The following ANK2 variants were observed in gnomAD, a reference collection of about 807,000 sequenced individuals.
The protein encoded by ANK2 is ankyrin-2.
Under a neutral mutation model 360.5 loss-of-function variants are expected in ANK2, and 83 were observed. That is an observed-to-expected ratio of 0.23 (90% CI 0.19 to 0.28). ANK2 has a LOEUF of 0.28. ANK2 is among the 10% of genes least tolerant of loss of function. ANK2 has a pLI of 1.00. For synonymous variants in ANK2, 1,740 were observed against 1,759.5 expected (o/e 0.99, Z 0.28); for missense variants, 4,201 against 4,795.7 (o/e 0.88, Z 3.66).
the ANK2 span, among the ~76,000 whole-genome samples, chr4:112,807,858 G>A: frequency 6.6e-6 from 1 of 152,162 alleles, no homozygotes; most frequent in African/African-American, 2.4e-5. Context: ...AAAAAGACAT[G>A]TTTATTAAAT....
At chr4:113,208,820 G>A (rs1562900130) in intron 4 of ANK2, among the ~76,000 whole-genome samples, 1 of 151,884 alleles carries the variant, frequency 6.6e-6, no homozygotes, top group East Asian at 1.9e-4. Flanking sequence ...TTTGGTTTTG[G>A]TGAGGAGAGT....
Position 113,198,880 on chromosome 4 carries a change from G to A in ANK2, c.286-131G>A, listed in dbSNP as rs1009386025. The A allele has an allele frequency of 1.5e-5, 11 of 750,168 alleles. No homozygotes were observed. The African/African-American group carries it at 1.8e-4, about 12-fold the overall frequency. The allele number at this position is 750,168 out of a possible 1,614,324, so 46.5% of individuals were successfully genotyped here. A position where few individuals can be genotyped will look rare whatever the true frequency, so the allele number is the denominator to read the frequency against. ...GTAAAAAATAATCTCTTCGTAAGTG[G>A]GCTACTATCTTGATAAATAACAAAT... On this transcript the variant is annotated intron_variant, in intron 3 of 45. Coordinates refer to ENST00000357077, the MANE Select transcript of ANK2 (RefSeq NM_001148.6).
chr4:112,959,650 C>T (rs2033640042), intron 2 of ANK2, among the ~76,000 whole-genome samples: 1 of 152,048 alleles, frequency 6.6e-6, no homozygotes, highest in African/African-American at 2.4e-5. Context: ...AGAATTCCTA[C>T]CTTAAATGTA....
intron 2 of ANK2, among the ~76,000 whole-genome samples, chr4:113,038,007 C>G (rs924414280): frequency 6.6e-6 from 1 of 152,042 alleles, no homozygotes; most frequent in Non-Finnish European, 1.5e-5. Context: ...TATGCTTGCA[C>G]TACATGTGTC....
rs1336483007 is a variant in ANK2 at position 113,254,450 on chromosome 4, A to G, written c.991-1285A>G. ...CCTTCAAATAGGTAAAACAGCATCA[A>G]TGAATGTTAATTTTTCAAAGAAACA... On this transcript the variant is annotated intron_variant, in intron 10 of 45. Coordinates refer to ENST00000357077, the MANE Select transcript of ANK2 (RefSeq NM_001148.6). Among the ~76,000 whole-genome samples the G allele has an allele frequency of 2.6e-5, 4 of 152,336 alleles. No homozygotes were observed. In the South Asian group the frequency reaches 6.2e-4, roughly 24 times the overall value.
At chr4:112,938,608 A>G (rs575343551) in intron 2 of ANK2, among the ~76,000 whole-genome samples, 9 of 152,366 alleles carry the variant, frequency 5.9e-5, no homozygotes, top group African/African-American at 1.9e-4. Flanking sequence ...AAAAGAATGC[A>G]TTCCAGTGGA....
chr4:112,804,012 C>T, the ANK2 span, among the ~76,000 whole-genome samples: 1 of 133,992 alleles, frequency 7.5e-6, no homozygotes, highest in Non-Finnish European at 1.5e-5. Flanking sequence ...ACCAATCTCA[C>T]GGTTTTTTTT....
At chr4:112,854,370 G>C (rs17045062) in intron 1 of ANK2, among the ~76,000 whole-genome samples, 9,118 of 152,262 alleles carry the variant, frequency 0.06, 562 homozygotes, top group African/African-American at 0.16. Flanking sequence ...GGTTTAATTT[G>C]ATTAAGGTGC....
At chr4:113,054,660 A>C (rs2068708190) in intron 1 of ANK2, among the ~76,000 whole-genome samples, 1 of 152,182 alleles carries the variant, frequency 6.6e-6, no homozygotes, top group South Asian at 2.1e-4. Context: ...CTTTCAAATA[A>C]CTTACCATTT....
intron 35 of ANK2, among the ~76,000 whole-genome samples, chr4:113,347,443 C>G (rs2094989837): frequency 6.6e-6 from 1 of 152,094 alleles, no homozygotes; most frequent in African/African-American, 2.4e-5. Flanking sequence ...ATATGTACTG[C>G]TGCGGGCAAG....
intron 1 of ANK2, among the ~76,000 whole-genome samples, chr4:113,168,942 G>A (rs1488994217): frequency 6.6e-6 from 1 of 152,076 alleles, no homozygotes; most frequent in Non-Finnish European, 1.5e-5. Flanking sequence ...ACCCAGTTCT[G>A]GTTCATTTTG....
chr4:112,914,104 G>A (rs1299239303), intron 2 of ANK2, among the ~76,000 whole-genome samples: 3 of 151,826 alleles, frequency 2.0e-5, no homozygotes. Context: ...AACTTGTTTG[G>A]GTCATATCAG....
At chr4:113,053,336 G>T (rs971775227) in intron 1 of ANK2, among the ~76,000 whole-genome samples, 2 of 152,150 alleles carry the variant, frequency 1.3e-5, no homozygotes, top group Non-Finnish European at 2.9e-5. Flanking sequence ...TAGTAATGTT[G>T]TTAAAGTAGT....
At chr4:112,917,411 C>T (rs1286071207) in intron 2 of ANK2, among the ~76,000 whole-genome samples, 4 of 152,178 alleles carry the variant, frequency 2.6e-5, no homozygotes, top group Non-Finnish European at 5.9e-5. Flanking sequence ...TATCCTCCAC[C>T]ACCAACACTG....
At chr4:112,860,468 G>T (rs1055730005) in intron 1 of ANK2, among the ~76,000 whole-genome samples, 1 of 152,120 alleles carries the variant, frequency 6.6e-6, no homozygotes, top group East Asian at 1.9e-4. Context: ...CTCATGATCC[G>T]CCGGCCTTTG....
chr4:112,786,874 G>A, the ANK2 span, among the ~76,000 whole-genome samples: 4 of 149,638 alleles, frequency 2.7e-5, no homozygotes, highest in Admixed American at 6.8e-5. Context: ...TCAGCCTCCC[G>A]AGTAGCTGGG....
Position 113,353,800 on chromosome 4 carries a change from C to T in ANK2, c.5182C>T (p.Leu1728Phe), listed in dbSNP as rs1396790291. ...GLQASAEKAE[L>F]KKGSSEESLG... ...ACAAGCTAGTGCAGAGAAAGCTGAA[C>T]TTAAAAAAGGTAGTTCAGAAGAGTC... The change falls in exon 38 of 46, where the codon CTT becomes TTT. Residue 1728 changes from leucine to phenylalanine, a missense_variant. Around this residue, in one of 4 missense-constraint regions of ANK2, gnomAD observed 2,642 missense variants for 2,714.5 expected, o/e 0.97. Transcript: ENST00000357077. The T allele has an allele frequency of 4.3e-6, 7 of 1,613,818 alleles. No individual in the cohort carries two copies. In the African/African-American group the frequency reaches 8.0e-5, roughly 18 times the overall value.
At chr4:113,122,426 T>A (rs1482043971) in intron 1 of ANK2, among the ~76,000 whole-genome samples, 2 of 152,140 alleles carry the variant, frequency 1.3e-5, no homozygotes, top group Non-Finnish European at 2.9e-5. Flanking sequence ...CAGAATAACA[T>A]GGCACTGTAT....
At chr4:113,363,821 C>T (rs1455079075) in intron 40 of ANK2, among the ~76,000 whole-genome samples, 1 of 152,040 alleles carries the variant, frequency 6.6e-6, no homozygotes. Flanking sequence ...TGTGTGAGTG[C>T]CCCCTGCAAT....
Sources: allele counts gnomAD v4.1 joint callset (sites outside exome capture counted in the v4.1 genomes callset), GRCh38; gene constraint gnomAD v4.1.1; regional missense constraint gnomAD v4.1.1; transcripts MANE v1.5; gene names NCBI Gene and HGNC (gene_info 2026-07-23, HGNC 2026-07-21).